Variants in TRAPPC12 observed in about 807,000 individuals in gnomAD.
The protein encoded by TRAPPC12 is trafficking protein particle complex subunit 12.
Under a neutral mutation model 69.2 loss-of-function variants are expected in TRAPPC12, and 61 were observed. That is an observed-to-expected ratio of 0.88 (90% CI 0.72 to 1.09). The LOEUF (loss-of-function observed/expected upper bound fraction) is 1.09. Among genes scored for constraint, TRAPPC12 ranks in the 50% least tolerant of loss-of-function variants. The pLI is 0.00. For synonymous variants in TRAPPC12, 469 were observed against 438.9 expected, an observed-to-expected ratio of 1.07 and a Z score of -0.86; for missense variants, 1,101 against 1,016.4, an observed-to-expected ratio of 1.08 and a Z score of -1.13.
chr2:3,405,448 C>A (rs980122686), intron 3 of TRAPPC12, among the ~76,000 whole-genome samples: 1 of 118,554 alleles, frequency 8.4e-6, no homozygotes, highest in African/African-American at 3.2e-5. Context: ...ATTTCTGAAC[C>A]GTCGGATCTA....
intron 3 of TRAPPC12, among the ~76,000 whole-genome samples, chr2:3,419,941 C>T (rs2103050377): frequency 6.6e-6 from 1 of 152,370 alleles, no homozygotes; most frequent in South Asian, 2.1e-4. Context: ...CTTAGGAAGA[C>T]AGCTTGGCGG....
chr2:3,399,068 C>T (rs775266208), intron 2 of TRAPPC12, among the ~76,000 whole-genome samples: 15 of 152,218 alleles, frequency 9.9e-5, no homozygotes, highest in Admixed American at 5.2e-4. Flanking sequence ...ACAGCAAGGG[C>T]GAGGTTTGTC....
intron 1 of TRAPPC12, among the ~76,000 whole-genome samples, chr2:3,387,197 A>G (rs1007998246): frequency 6.6e-6 from 1 of 152,200 alleles, no homozygotes; most frequent in Non-Finnish European, 1.5e-5. Flanking sequence ...TTTTTCATCC[A>G]TAAAAAGGAA....
chr2:3,450,943 A>C (rs1409300469), intron 6 of TRAPPC12, among the ~76,000 whole-genome samples: 3 of 152,192 alleles, frequency 2.0e-5, no homozygotes. Flanking sequence ...CCCCCTGCAG[A>C]CAGCACTTTC....
intron 6 of TRAPPC12, among the ~76,000 whole-genome samples, chr2:3,452,370 A>C (rs1664895565): frequency 6.6e-6 from 1 of 152,162 alleles, no homozygotes; most frequent in Admixed American, 6.5e-5. Flanking sequence ...TTGTCAGACG[A>C]GTCACTAAGT....
In TRAPPC12 at chr2:3,383,555, C is replaced by T. The variant is rs1053403300; in HGVS notation, c.-5+3679C>T. Among the ~76,000 whole-genome samples the T allele has an allele frequency of 8.6e-5, 13 of 151,712 alleles. No individual in the cohort carries two copies. In the East Asian group the frequency reaches 9.7e-4, roughly 11 times the overall value. ...CAGAGTAGCTGGGATTACAGGTGCC[C>T]GCCACCACACCTGGCTAATTTTTGT... On this transcript the variant is annotated intron_variant, in intron 1 of 11. Coordinates refer to ENST00000324266, the MANE Select transcript of TRAPPC12 (RefSeq NM_016030.6).
At chr2:3,394,361 A>T (rs987020410) in intron 2 of TRAPPC12, among the ~76,000 whole-genome samples, 1 of 152,158 alleles carries the variant, frequency 6.6e-6, no homozygotes, top group Non-Finnish European at 1.5e-5. Context: ...GGTGGCTCAC[A>T]CCTGTAATCC....
At chr2:3,381,966 C>T (rs1004290952) in intron 1 of TRAPPC12, among the ~76,000 whole-genome samples, 21 of 152,054 alleles carry the variant, frequency 1.4e-4, no homozygotes, top group Non-Finnish European at 2.9e-4. Flanking sequence ...TATTTTTCTA[C>T]TCATTCTTTG....
intron 4 of TRAPPC12, among the ~76,000 whole-genome samples, chr2:3,423,322 TTGTG>T (rs34767789): frequency 0.13 from 19,989 of 149,118 alleles, 1,498 homozygotes; most frequent in East Asian, 0.36. Context: ...TCGCATGCCT[TTGTG>T]TGTGTGTGTG....
chr2:3,400,199 A>C (rs1178763350), intron 2 of TRAPPC12, among the ~76,000 whole-genome samples: 8 of 152,136 alleles, frequency 5.3e-5, no homozygotes. Context: ...CAGGGACCTC[A>C]GAGCCACTGC....
intron 3 of TRAPPC12, among the ~76,000 whole-genome samples, chr2:3,406,886 A>C (rs1193999057): frequency 6.6e-6 from 1 of 152,198 alleles, no homozygotes; most frequent in Non-Finnish European, 1.5e-5. Flanking sequence ...AAATATATAC[A>C]ATGGTTTGAT....
intron 1 of TRAPPC12, among the ~76,000 whole-genome samples, chr2:3,383,871 G>GTTTTTTTTTTTTTTTTTTTTTTTTTTT (rs34956958): frequency 1.2e-5 from 1 of 85,594 alleles, no homozygotes; most frequent in Non-Finnish European, 2.3e-5. Context: ...GTTCAGTCTT[G>GTTTTTTTTTTTTTTTTTTTTTTTTTTT]TTTTTTTTTT....
intron 3 of TRAPPC12, among the ~76,000 whole-genome samples, chr2:3,417,639 A>T (rs1167323988): frequency 2.0e-5 from 3 of 152,138 alleles, no homozygotes; most frequent in Non-Finnish European, 2.9e-5. Context: ...CAGTCAGTAA[A>T]TGGCCACTGA....
intron 3 of TRAPPC12, among the ~76,000 whole-genome samples, chr2:3,420,670 G>A (rs370584931): frequency 1.4e-4 from 21 of 152,274 alleles, no homozygotes; most frequent in African/African-American, 4.8e-4. Flanking sequence ...GTTAGCTCCT[G>A]CCTGAGGAAG....
chr2:3,398,194 A>C (rs772553586), intron 2 of TRAPPC12, among the ~76,000 whole-genome samples: 1 of 152,132 alleles, frequency 6.6e-6, no homozygotes, highest in Non-Finnish European at 1.5e-5. Flanking sequence ...GTTTGTGTCT[A>C]TGTGTTCTCA....
intron 4 of TRAPPC12, 83 bp from the exon 5 acceptor site, chr2:3,424,442 C>CT (rs1384284606): frequency 7.9e-6 from 10 of 1,265,840 alleles, no homozygotes; most frequent in Non-Finnish European, 1.1e-5. Context: ...AAATTAACCT[C>CT]TAACACCAAC....
At chr2:3,418,134 G>A (rs117074749) in intron 3 of TRAPPC12, among the ~76,000 whole-genome samples, 2,636 of 151,540 alleles carry the variant, frequency 0.017, 112 homozygotes, top group East Asian at 0.17. Flanking sequence ...GCTGAGGTGA[G>A]TAGATCACTT....
At chr2:3,427,432 C>T (rs937076639) in intron 5 of TRAPPC12, among the ~76,000 whole-genome samples, 1 of 152,322 alleles carries the variant, frequency 6.6e-6, no homozygotes, top group Admixed American at 6.5e-5. Flanking sequence ...TACCCTGAAG[C>T]GCAGAGCTGC....
Position 3,387,535 on chromosome 2 carries a change from A to T in TRAPPC12, c.-4-85A>T. 7 of 1,088,016 alleles carry T rather than the reference A, an allele frequency of 6.4e-6. 1 individual carries two copies. The highest frequency in any genetic ancestry group is 9.0e-6 in the Non-Finnish European group (7 of 773,838). 67.4% of individuals were successfully genotyped at this position (1,088,016 alleles called of 1,614,324 possible). A position where few individuals can be genotyped will look rare whatever the true frequency, so the allele number is the denominator to read the frequency against. Reference sequence around the variant, plus strand: ...AGCTGGAGAAATGGAAGTCTGCGTCATTTGAATCTATAAGCAATACTCATT... The same window carrying T: ...AGCTGGAGAAATGGAAGTCTGCGTCTTTTGAATCTATAAGCAATACTCATT... On this transcript the variant is annotated intron_variant, in intron 1 of 11. Transcript: ENST00000324266.
Sources: gnomAD v4.1 joint callset for allele counts (sites outside exome capture counted in the v4.1 genomes callset) on GRCh38, gnomAD v4.1.1 for gene constraint, MANE v1.5 for transcripts, NCBI Gene and HGNC (gene_info 2026-07-23, HGNC 2026-07-21) for gene names.